Variants in ANK2 observed in about 807,000 individuals in gnomAD.
The protein encoded by ANK2 is ankyrin-2.
ANK2 carries 83 observed loss-of-function variants against 360.5 expected under a neutral mutation model. That is an observed-to-expected ratio of 0.23 (90% CI 0.19 to 0.28). The LOEUF (loss-of-function observed/expected upper bound fraction) is 0.28, where lower values mean the gene tolerates loss of function less well. Among genes scored for constraint, ANK2 ranks in the 10% least tolerant of loss-of-function variants. The probability of loss-of-function intolerance (pLI) is 1.00; values close to 1 mark genes in which losing one functional copy is unlikely to be tolerated. For missense variants in ANK2, 4,201 were observed against 4,795.7 expected, an observed-to-expected ratio of 0.88 and a Z score of 3.66; for synonymous variants, 1,740 against 1,759.5, an observed-to-expected ratio of 0.99 and a Z score of 0.28.
chr4:112,785,552 T>C, the ANK2 span, among the ~76,000 whole-genome samples: 2 of 151,972 alleles, frequency 1.3e-5, no homozygotes, highest in Admixed American at 6.6e-5. Flanking sequence ...TCTGTATTTT[T>C]AATAGAGACG....
At chr4:113,346,043 G>C in intron 35 of ANK2, 21 bp downstream of exon 35, 1 of 1,612,488 alleles carries the variant, frequency 6.2e-7, no homozygotes, top group Non-Finnish European at 8.5e-7. Context: ...ATCTGCTATA[G>C]TGCAATTCAG....
intron 1 of ANK2, among the ~76,000 whole-genome samples, chr4:113,078,995 C>T (rs1426886505): frequency 2.0e-5 from 3 of 152,100 alleles, no homozygotes; most frequent in Non-Finnish European, 2.9e-5. Context: ...AACCCATTTA[C>T]GTTTTTTTAA....
At chr4:112,904,601 A>G in intron 2 of ANK2, 1 of 1,036,360 alleles carries the variant, frequency 9.6e-7, no homozygotes, top group Non-Finnish European at 1.4e-6. Flanking sequence ...ATTTTGGTAA[A>G]AACAATTTTT....
chr4:113,098,967 T>C (rs2092270198), intron 1 of ANK2, among the ~76,000 whole-genome samples: 1 of 151,608 alleles, frequency 6.6e-6, no homozygotes, highest in African/African-American at 2.4e-5. Flanking sequence ...CCTCAAAAAA[T>C]AAAAAGAATC....
rs2097189267 is a variant in ANK2, at chr4:113,382,603, CCTT to C, written c.*1134_*1136del. On this transcript the variant is annotated 3_prime_UTR_variant, in exon 46 of 46. Transcript: ENST00000357077. ...TACCCACTACATAAAAGGTTAAACT[CCTT>C]CAGTATGTTGGAGTGGTTTCTTTTT... The C allele has an allele frequency of 6.6e-6, 1 of 152,528 alleles. No homozygotes were observed. Among genetic ancestry groups the C allele is most frequent in the African/African-American group, 2.4e-5 (1 of 41,432 alleles). 9.4% of individuals were successfully genotyped at this position (152,528 alleles called of 1,614,324 possible). A position where few individuals can be genotyped will look rare whatever the true frequency, so the allele number is the denominator to read the frequency against.
At chr4:112,827,877 A>T (rs1198897537) in intron 1 of ANK2, among the ~76,000 whole-genome samples, 2 of 152,236 alleles carry the variant, frequency 1.3e-5, no homozygotes, top group Admixed American at 6.5e-5. Context: ...TCTAAAATTC[A>T]TAAGGAATAA....
At chr4:112,818,338 G>T (rs2055917212) in intron 1 of ANK2, 1 of 152,264 alleles carries the variant, frequency 6.6e-6, no homozygotes, top group South Asian at 2.1e-4. Context: ...GATAGGGGGT[G>T]CTGGAAGCCT....
intron 1 of ANK2, among the ~76,000 whole-genome samples, chr4:112,875,727 G>A (rs1387742485): frequency 1.3e-5 from 2 of 151,492 alleles, no homozygotes; most frequent in African/African-American, 4.9e-5. Flanking sequence ...ATTTGTGTGT[G>A]TGTGGTTTTT....
intron 3 of ANK2, 143 bp from the exon 4 acceptor site, chr4:113,198,868 T>C: frequency 1.5e-6 from 1 of 676,518 alleles, no homozygotes; most frequent in South Asian, 1.9e-5. Flanking sequence ...AAAAATAATC[T>C]CTTCGTAAGT....
intron 1 of ANK2, among the ~76,000 whole-genome samples, chr4:113,089,950 A>G (rs1014557751): frequency 2.6e-5 from 4 of 152,186 alleles, no homozygotes; most frequent in African/African-American, 9.6e-5. Flanking sequence ...AAACGTAATA[A>G]TATGTGGTAT....
chr4:113,051,315 C>T (rs1358816379), intron 1 of ANK2, among the ~76,000 whole-genome samples: 1 of 152,130 alleles, frequency 6.6e-6, no homozygotes, highest in Non-Finnish European at 1.5e-5. Flanking sequence ...AAACAATATA[C>T]TCAGGACTAT....
chr4:113,061,070 G>A (rs954310071), intron 1 of ANK2, among the ~76,000 whole-genome samples: 1 of 152,038 alleles, frequency 6.6e-6, no homozygotes, highest in Admixed American at 6.6e-5. Flanking sequence ...CTATTACATG[G>A]GGCAGTCAGG....
intron 1 of ANK2, among the ~76,000 whole-genome samples, chr4:113,094,393 C>G (rs959844587): frequency 7.2e-5 from 11 of 152,122 alleles, no homozygotes; most frequent in African/African-American, 2.7e-4. Flanking sequence ...CTCAAAGGAA[C>G]CATGTTCTTA....
the ANK2 span, among the ~76,000 whole-genome samples, chr4:112,728,891 C>G: frequency 6.6e-6 from 1 of 151,418 alleles, no homozygotes; most frequent in Non-Finnish European, 1.5e-5. Flanking sequence ...AAAAAGAAAC[C>G]CTTGGTTGGG....
rs73841967 is a variant in ANK2, at chr4:113,337,045, G to A, written c.3796+264G>A. On this transcript the variant is annotated intron_variant, in intron 31 of 45. Transcript: ENST00000357077. ...AACCCTGTGAGGAAACTTTAACCCC[G>A]TGTTGCTGAGAAGGAAACCATGGTT... 5.9e-5 allele frequency among the ~76,000 whole-genome samples: 9 copies of A among 152,180 alleles called. No homozygotes were observed. The East Asian group carries it at 1.2e-3, about 20-fold the overall frequency.
chr4:112,775,515 TCACACACA>T, the ANK2 span, among the ~76,000 whole-genome samples: 1 of 118,064 alleles, frequency 8.5e-6, no homozygotes, highest in Admixed American at 8.9e-5. Context: ...CTAAGCTCCA[TCACACACA>T]CACACACACA....
At chr4:112,855,056 C>T (rs1222416382) in intron 1 of ANK2, among the ~76,000 whole-genome samples, 1 of 152,150 alleles carries the variant, frequency 6.6e-6, no homozygotes, top group East Asian at 1.9e-4. Context: ...AATATTCTTT[C>T]TCTCGATGTA....
At chr4:113,191,475 T>C (rs1348912773) in intron 2 of ANK2, among the ~76,000 whole-genome samples, 1 of 152,214 alleles carries the variant, frequency 6.6e-6, no homozygotes, top group Non-Finnish European at 1.5e-5. Context: ...TCCTAGGTTT[T>C]ATTGTAATTC....
At chr4:113,004,255 T>C (rs2051915240) in intron 2 of ANK2, among the ~76,000 whole-genome samples, 1 of 152,238 alleles carries the variant, frequency 6.6e-6, no homozygotes, top group South Asian at 2.1e-4. Flanking sequence ...TTTAAACTTT[T>C]AGACTCTTTT....
Sources: gnomAD v4.1 joint callset for allele counts (sites outside exome capture counted in the v4.1 genomes callset) on GRCh38, gnomAD v4.1.1 for gene constraint, MANE v1.5 for transcripts, NCBI Gene and HGNC (gene_info 2026-07-23, HGNC 2026-07-21) for gene names.